The following TRAM1 variants were observed in gnomAD, a reference collection of about 807,000 sequenced individuals.
TRAM1 encodes translocation associated membrane protein 1, also known as translocating chain-associated membrane protein 1.
TRAM1 carries 17 observed loss-of-function variants against 48.7 expected under a neutral mutation model. The ratio of observed to expected loss-of-function variants is 0.35; its 90% confidence interval spans 0.24 to 0.52. The LOEUF (loss-of-function observed/expected upper bound fraction) is 0.52. Ranked by LOEUF, TRAM1 falls within the 20% of genes least tolerant of loss-of-function variation. The pLI is 0.94. For synonymous variants in TRAM1, 182 were observed against 154.0 expected (o/e 1.18, Z -1.34); for missense variants, 351 against 441.5 (o/e 0.79, Z 1.84).
rs766398371 is a variant in TRAM1, at chr8:70,600,070, CT to C, written c.135del (p.Ala46LeufsTer43). The C allele has an allele frequency of 6.2e-7, 1 of 1,613,724 alleles. No homozygotes were observed. Among genetic ancestry groups the C allele is most frequent in the Admixed American group, 1.7e-5 (1 of 59,990 alleles). On this transcript the variant is annotated frameshift_variant, in exon 2 of 11. Transcript: ENST00000262213. LOFTEE classifies it high-confidence loss of function. ...LLGLMFEITA[K>X]ASIIFVTLQY... Reference sequence around the variant, plus strand: ...TGAAGAGTAACAAAAATGATAGAAGCTTTTGCCGTTATCTACAAAGAAGGAA... The same window carrying C: ...TGAAGAGTAACAAAAATGATAGAAGCTTTGCCGTTATCTACAAAGAAGGAA...
rs899902600 is a variant in TRAM1 at position 70,574,031 on chromosome 8, T to A, written c.*901A>T. 4.8e-6 allele frequency: 1 copy of A among 209,666 alleles called. No individual in the cohort carries two copies. The highest frequency in any genetic ancestry group is 9.7e-6 in the Non-Finnish European group (1 of 103,256). 13.0% of individuals were successfully genotyped at this position (209,666 alleles called of 1,614,324 possible). A position where few individuals can be genotyped will look rare whatever the true frequency, so the allele number is the denominator to read the frequency against. ...TAGTGCATTAAATGTTTTCCAAATA[T>A]AATTACCTGTCAGTCTTTTTATAGA... On this transcript the variant is annotated 3_prime_UTR_variant, in exon 11 of 11. Coordinates refer to ENST00000262213, the MANE Select transcript of TRAM1 (RefSeq NM_014294.6).
At chr8:70,606,338 G>A (rs1817717568) in intron 1 of TRAM1, among the ~76,000 whole-genome samples, 1 of 152,124 alleles carries the variant, frequency 6.6e-6, no homozygotes, top group African/African-American at 2.4e-5. Flanking sequence ...ACAGGTGCGT[G>A]CTATCTATCA....
chr8:70,593,597 A>T (rs78457621), intron 6 of TRAM1, among the ~76,000 whole-genome samples: 3 of 57,296 alleles, frequency 5.2e-5, no homozygotes, highest in African/African-American at 1.6e-4. Flanking sequence ...TATGAGAATT[A>T]AAAAAAAAAA....
intron 6 of TRAM1, among the ~76,000 whole-genome samples, chr8:70,592,145 C>T (rs1160090497): frequency 6.6e-6 from 1 of 152,108 alleles, no homozygotes; most frequent in East Asian, 1.9e-4. Flanking sequence ...CCTAAAAGCT[C>T]ATATATTCAA....
chr8:70,584,247 T>C (rs1001319006), intron 8 of TRAM1, among the ~76,000 whole-genome samples: 1 of 152,222 alleles, frequency 6.6e-6, no homozygotes, highest in African/African-American at 2.4e-5. Context: ...TAAGAACTAT[T>C]AATATTCCTC....
At chr8:70,589,332 G>A (rs1817298058) in intron 6 of TRAM1, among the ~76,000 whole-genome samples, 1 of 152,054 alleles carries the variant, frequency 6.6e-6, no homozygotes, top group African/African-American at 2.4e-5. Context: ...AAGGAGAAAG[G>A]GTGTTGAGAT....
Position 70,574,612 on chromosome 8 carries a change from T to C in TRAM1, c.*320A>G, listed in dbSNP as rs1024826664. On this transcript the variant is annotated 3_prime_UTR_variant, in exon 11 of 11. Transcript: ENST00000262213. ...AAATTGGTGACAGCAAGAAATTGTA[T>C]CACTGATATGTGGAATTTTTGTAAA... 8.8e-6 allele frequency: 2 copies of C among 228,470 alleles called. No homozygotes were observed. Among genetic ancestry groups the C allele is most frequent in the African/African-American group, 4.7e-5 (2 of 42,486 alleles). The allele number at this position is 228,470 out of a possible 1,614,324, so 14.2% of individuals were successfully genotyped here.
At chr8:70,590,480 G>A (rs35773997) in intron 6 of TRAM1, among the ~76,000 whole-genome samples, 1 of 152,126 alleles carries the variant, frequency 6.6e-6, no homozygotes, top group Non-Finnish European at 1.5e-5. Context: ...TTGTATCTTA[G>A]CCCCATACCT....
chr8:70,587,036 T>C, intron 7 of TRAM1, 37 bp from the exon 8 acceptor site: 2 of 1,611,372 alleles, frequency 1.2e-6, no homozygotes, highest in Non-Finnish European at 1.7e-6. Context: ...GAATATTAAT[T>C]ATCAATTAAG....
At chr8:70,607,988 C>G in intron 1 of TRAM1, 89 bp downstream of exon 1, 1 of 1,433,722 alleles carries the variant, frequency 7.0e-7, no homozygotes, top group Non-Finnish European at 9.1e-7. Flanking sequence ...CCCCCCGCGT[C>G]CTGGGCGGAG....
At chr8:70,586,404 C>G (rs1265889025) in intron 8 of TRAM1, among the ~76,000 whole-genome samples, 1 of 151,682 alleles carries the variant, frequency 6.6e-6, no homozygotes, top group South Asian at 2.1e-4. Flanking sequence ...CACATGTACC[C>G]TAAAACTTAA....
intron 6 of TRAM1, among the ~76,000 whole-genome samples, chr8:70,591,984 T>C (rs1817375920): frequency 6.6e-6 from 1 of 152,184 alleles, no homozygotes. Context: ...ATATGAAAAG[T>C]GTAATGAAAC....
At chr8:70,580,241 C>T (rs951384948) in intron 10 of TRAM1, among the ~76,000 whole-genome samples, 13 of 152,054 alleles carry the variant, frequency 8.5e-5, no homozygotes, top group South Asian at 2.1e-4. Context: ...AACCAGACAA[C>T]GATGTTGCAA....
chr8:70,580,722 G>GC (rs1313242285), intron 10 of TRAM1, among the ~76,000 whole-genome samples: 1 of 149,846 alleles, frequency 6.7e-6, no homozygotes, highest in Non-Finnish European at 1.5e-5. Flanking sequence ...GCAAGAAAAT[G>GC]CAATAGAAAG....
chr8:70,594,355 G>A (rs1817437368), intron 6 of TRAM1, 151 bp downstream of exon 6: 1 of 378,756 alleles, frequency 2.6e-6, no homozygotes. Context: ...AGGCTTTGTG[G>A]AAAGAGGGTT....
At chr8:70,586,827 T>A (rs1438300178) in intron 8 of TRAM1, 68 bp downstream of exon 8, 2 of 1,318,374 alleles carry the variant, frequency 1.5e-6, no homozygotes, top group Non-Finnish European at 1.1e-6. Flanking sequence ...AAAGCATGGA[T>A]CTTGGCAATG....
intron 8 of TRAM1, 104 bp downstream of exon 8, chr8:70,586,791 C>G: frequency 1.1e-6 from 1 of 916,202 alleles, no homozygotes; most frequent in Admixed American, 2.6e-5. Flanking sequence ...GGCTACTGAT[C>G]GCTTAAAAAG....
chr8:70,589,576 G>A (rs536272505), intron 6 of TRAM1, among the ~76,000 whole-genome samples: 32 of 152,248 alleles, frequency 2.1e-4, no homozygotes, highest in African/African-American at 6.7e-4. Context: ...GGTGGATCAC[G>A]CCTGTAATAA....
At chr8:70,596,531 A>G (rs11987872) in intron 4 of TRAM1, among the ~76,000 whole-genome samples, 153 of 152,342 alleles carry the variant, frequency 1.0e-3, no homozygotes, top group African/African-American at 3.5e-3. Context: ...GAAATGAGAT[A>G]TGGAATCAGG....
Sources: gnomAD v4.1 joint callset for allele counts (sites outside exome capture counted in the v4.1 genomes callset) on GRCh38, gnomAD v4.1.1 for gene constraint, MANE v1.5 for transcripts, NCBI Gene and HGNC (gene_info 2026-07-23, HGNC 2026-07-21) for gene names.